Variants in STPG2 observed in about 807,000 individuals in gnomAD.
The protein encoded by STPG2 is sperm-tail PG-rich repeat-containing protein 2.
In STPG2, 56 loss-of-function variants were observed where a neutral mutation model predicts 54.2. The ratio of observed to expected loss-of-function variants is 1.03; its 90% CI spans 0.83 to 1.29. STPG2 has a LOEUF of 1.29. STPG2 is among the 50% of genes most tolerant of loss of function. The probability of loss-of-function intolerance (pLI) is 0.00; values close to 1 mark genes in which losing one functional copy is unlikely to be tolerated. For synonymous variants in STPG2, 200 were observed against 181.8 expected, an observed-to-expected ratio of 1.10 and a Z score of -0.81; for missense variants, 596 against 544.9, an observed-to-expected ratio of 1.09 and a Z score of -0.93.
Position 97,661,919 on chromosome 4 carries a change from G to C in STPG2, c.1320+50780C>G, listed in dbSNP as rs190244508. Among the ~76,000 whole-genome samples the C allele has an allele frequency of 7.4e-3, 1,130 of 152,046 alleles. 11 individuals carry two copies. Among genetic ancestry groups the C allele is most frequent in the Non-Finnish European group, 0.011 (728 of 67,948 alleles). ...CCTTGAATTAAAACTGAATAAGGAG[G>C]GCTCACTCAGCTTGAACAATATTGG... On this transcript the variant is annotated intron_variant, in intron 10 of 10. Coordinates refer to ENST00000295268, the MANE Select transcript of STPG2 (RefSeq NM_174952.3).
chr4:97,557,992 G>C (rs149459425), downstream of STPG2, among the ~76,000 whole-genome samples: 47 of 152,268 alleles, frequency 3.1e-4, 1 homozygote, highest in East Asian at 5.0e-3. Flanking sequence ...TACTTCCTAA[G>C]CCAAACGAGC....
intron 4 of STPG2, among the ~76,000 whole-genome samples, chr4:98,106,422 G>T (rs984302823): frequency 6.6e-6 from 1 of 152,006 alleles, no homozygotes. Context: ...ATCAAAATAA[G>T]AGGAAAATAG....
intron 10 of STPG2, among the ~76,000 whole-genome samples, chr4:97,659,027 A>C (rs1722297744): frequency 6.6e-6 from 1 of 152,154 alleles, no homozygotes; most frequent in South Asian, 2.1e-4. Context: ...ATACTAAAAA[A>C]TCCTCTGTTT....
chr4:98,076,331 A>T (rs1301447439), intron 5 of STPG2, among the ~76,000 whole-genome samples: 1 of 123,948 alleles, frequency 8.1e-6, no homozygotes, highest in Non-Finnish European at 1.8e-5. Flanking sequence ...ATCCAGATTA[A>T]TCTGTAAAAG....
chr4:97,719,002 C>T lies in STPG2; in HGVS notation c.1205-6188G>A, dbSNP rs540471714. Among the ~76,000 whole-genome samples the T allele has an allele frequency of 1.7e-4, 26 of 151,996 alleles. No homozygotes were observed. In the South Asian group the frequency reaches 5.4e-3, roughly 32 times the overall value. ...TGCTCAAAGAAAATACTCATTGATA[C>T]ATTTCAGATTTTGGATTTTCAGATT... On this transcript the variant is annotated intron_variant, in intron 9 of 10. Coordinates refer to ENST00000295268, the MANE Select transcript of STPG2 (RefSeq NM_174952.3).
At chr4:97,811,587 T>G (rs1727743913) in intron 9 of STPG2, among the ~76,000 whole-genome samples, 1 of 152,142 alleles carries the variant, frequency 6.6e-6, no homozygotes, top group Non-Finnish European at 1.5e-5. Flanking sequence ...TTTAACTGAT[T>G]TTGTTAAACC....
At chr4:98,139,170 G>A (rs1486032434) in intron 1 of STPG2, among the ~76,000 whole-genome samples, 5 of 152,102 alleles carry the variant, frequency 3.3e-5, no homozygotes. Context: ...TGTCCCTTCA[G>A]GTTGAAATTC....
At position 97,521,233 on chromosome 4, in the gene STPG2, T is replaced by TA. The variant is rs778232130; in HGVS notation, c.462+191465dup. On this transcript the variant is annotated intron_variant, in intron 4 of 4. Coordinates refer to the STPG2 transcript ENST00000522676. ...CTTGAGCTGATCTTTAATTCTTGCTTAAAAAAATAATGAATGACTTAACAC... is the reference window on the plus strand; with the variant it reads ...CTTGAGCTGATCTTTAATTCTTGCTTAAAAAAAATAATGAATGACTTAACAC... Among the ~76,000 whole-genome samples, 156 of 152,048 alleles carry TA rather than the reference T, an allele frequency of 1.0e-3. 1 individual carries two copies. Among genetic ancestry groups the TA allele is most frequent in the Non-Finnish European group, 1.2e-3 (79 of 67,940 alleles).
intron 9 of STPG2, among the ~76,000 whole-genome samples, chr4:97,724,080 C>T (rs1289003269): frequency 1.3e-5 from 2 of 152,168 alleles, no homozygotes; most frequent in Non-Finnish European, 2.9e-5. Flanking sequence ...ATACATTAAT[C>T]TGTCTCTGAA....
chr4:97,510,004 C>T (rs1455281632), intron 4 of STPG2, among the ~76,000 whole-genome samples: 1 of 152,022 alleles, frequency 6.6e-6, no homozygotes, highest in African/African-American at 2.4e-5. Context: ...AAACTGACAC[C>T]TGGTGCCAAA....
intron 5 of STPG2, chr4:98,026,274 C>T (rs1560643663): frequency 1.3e-6 from 1 of 765,464 alleles, no homozygotes; most frequent in Non-Finnish European, 2.2e-6. Flanking sequence ...CTAAACCAAA[C>T]AATTTTCTAT....
chr4:98,053,567 AAC>A (rs1471562838), intron 5 of STPG2, among the ~76,000 whole-genome samples: 4 of 152,190 alleles, frequency 2.6e-5, no homozygotes, highest in Non-Finnish European at 5.9e-5. Flanking sequence ...AGTAAAAGTA[AAC>A]ACAGTTTCTC....
At chr4:98,051,722 G>A (rs147024712) in intron 5 of STPG2, among the ~76,000 whole-genome samples, 136 of 152,018 alleles carry the variant, frequency 8.9e-4, no homozygotes, top group African/African-American at 2.9e-3. Flanking sequence ...CAAAGATTTT[G>A]GAGGTTCTGC....
At chr4:97,778,927 CT>C (rs1726489287) in intron 9 of STPG2, among the ~76,000 whole-genome samples, 1 of 152,134 alleles carries the variant, frequency 6.6e-6, no homozygotes, top group African/African-American at 2.4e-5. Context: ...AAAACCCCAT[CT>C]GAACGTCACC....
chr4:97,843,475 A>G (rs1311475664), intron 8 of STPG2, among the ~76,000 whole-genome samples: 1 of 151,970 alleles, frequency 6.6e-6, no homozygotes, highest in East Asian at 1.9e-4. Flanking sequence ...ATGTTTTCTG[A>G]CACATAAGGA....
intron 7 of STPG2, among the ~76,000 whole-genome samples, chr4:97,947,107 C>A: frequency 6.6e-6 from 1 of 151,984 alleles, no homozygotes; most frequent in Non-Finnish European, 1.5e-5. Flanking sequence ...AGATCTTTCA[C>A]CTTGGTTAGT....
chr4:98,018,773 G>T (rs901029035), intron 5 of STPG2, among the ~76,000 whole-genome samples: 1 of 151,870 alleles, frequency 6.6e-6, no homozygotes, highest in Non-Finnish European at 1.5e-5. Flanking sequence ...GGCCAGTGAT[G>T]ATGAGCATTT....
chr4:97,920,580 G>A (rs556810185), intron 8 of STPG2, among the ~76,000 whole-genome samples: 1 of 151,656 alleles, frequency 6.6e-6, no homozygotes, highest in African/African-American at 2.4e-5. Context: ...AAGAGTTAAT[G>A]AAAATGTAAA....
At chr4:98,114,005 A>G (rs1328018857) in intron 3 of STPG2, among the ~76,000 whole-genome samples, 1 of 151,784 alleles carries the variant, frequency 6.6e-6, no homozygotes, top group African/African-American at 2.4e-5. Flanking sequence ...ATGCCAGTAA[A>G]AGAGCACGGA....
Sources: gnomAD v4.1 joint callset for allele counts (sites outside exome capture counted in the v4.1 genomes callset) on GRCh38, gnomAD v4.1.1 for gene constraint, MANE v1.5 for transcripts, NCBI Gene and HGNC (gene_info 2026-07-23, HGNC 2026-07-21) for gene names.